Variants in ASAP1 observed in about 807,000 individuals in gnomAD.
The protein encoded by ASAP1 is arf-GAP with SH3 domain, ANK repeat and PH domain-containing protein 1.
Under a neutral mutation model 145.2 loss-of-function variants are expected in ASAP1, and 43 were observed. The ratio of observed to expected loss-of-function variants is 0.30; its 90% CI spans 0.23 to 0.38. The LOEUF (loss-of-function observed/expected upper bound fraction) is 0.38, where lower values mean the gene tolerates loss of function less well. Ranked by LOEUF, ASAP1 falls within the 10% of genes least tolerant of loss-of-function variation. The pLI is 1.00. For synonymous variants in ASAP1, 546 were observed against 515.5 expected, an observed-to-expected ratio of 1.06 and a Z score of -0.80; for missense variants, 1,018 against 1,355.3, an observed-to-expected ratio of 0.75 and a Z score of 3.91.
Position 130,093,666 on chromosome 8 carries a change from C to CAAAAAAAAAAAAA in ASAP1, c.2402-1536_2402-1524dup, listed in dbSNP as rs71572317. Among the ~76,000 whole-genome samples, 96 of 52,156 alleles carry CAAAAAAAAAAAAA rather than the reference C, an allele frequency of 1.8e-3. 1 individual carries two copies. The highest frequency in any genetic ancestry group is 3.1e-3 in the East Asian group (4 of 1,274). The allele number at this position is 52,156 out of a possible 152,430, so 34.2% of individuals were successfully genotyped here. On this transcript the variant is annotated intron_variant, in intron 24 of 29. Transcript: ENST00000518721. ...TGGCTGTCACAGCGAGACTCCGTCTCAAAAAAAAAAAAAAAAAAAAAAAGA... is the reference window on the plus strand; with the variant it reads ...TGGCTGTCACAGCGAGACTCCGTCTCAAAAAAAAAAAAAAAAAAAAAAAAAAAAAAAAAAAAGA...
intron 16 of ASAP1, among the ~76,000 whole-genome samples, chr8:130,127,142 G>C (rs961015282): frequency 1.3e-5 from 2 of 152,212 alleles, no homozygotes; most frequent in African/African-American, 4.8e-5. Context: ...ATGTGATACA[G>C]AGGTGAGGGA....
Position 130,076,415 on chromosome 8 carries a change from C to T in ASAP1, c.2643-9G>A, listed in dbSNP as rs1421115779. The T allele has an allele frequency of 1.2e-6, 2 of 1,600,974 alleles. No homozygotes were observed. The highest frequency in any genetic ancestry group is 2.2e-5 in the East Asian group (1 of 44,688). ...TCTTTGCAGAACTGGTGCTAATCAA[C>T]AAATAAGAATCATTTAGGATCTAAA... On this transcript the variant is annotated splice_polypyrimidine_tract_variant and intron_variant, in intron 26 of 29. Coordinates refer to ENST00000518721, the MANE Select transcript of ASAP1 (RefSeq NM_018482.4).
intron 2 of ASAP1, among the ~76,000 whole-genome samples, chr8:130,375,368 T>G (rs1586932446): frequency 2.1e-5 from 3 of 146,282 alleles, no homozygotes; most frequent in African/African-American, 2.5e-5. Context: ...TGGTTAGGGG[T>G]GGGGGAGCAG....
chr8:130,311,517 T>G (rs895082854), intron 3 of ASAP1, among the ~76,000 whole-genome samples: 1 of 152,130 alleles, frequency 6.6e-6, no homozygotes, highest in Non-Finnish European at 1.5e-5. Flanking sequence ...ATCCCAGCAC[T>G]TTGGGAGGCC....
At chr8:130,383,612 T>A (rs1006261432) in intron 2 of ASAP1, among the ~76,000 whole-genome samples, 3 of 152,134 alleles carry the variant, frequency 2.0e-5, no homozygotes, top group African/African-American at 7.2e-5. Context: ...GAAACGAGGG[T>A]CACAGGGATT....
intron 5 of ASAP1, among the ~76,000 whole-genome samples, chr8:130,198,443 T>C (rs1418609726): frequency 1.3e-5 from 2 of 152,172 alleles, no homozygotes; most frequent in African/African-American, 4.8e-5. Flanking sequence ...AAATTTCCTT[T>C]TTATTGCACC....
Position 130,137,680 on chromosome 8 carries a change from G to A in ASAP1, c.1081-642C>T, listed in dbSNP as rs141575556. Among the ~76,000 whole-genome samples the A allele has an allele frequency of 4.2e-4, 64 of 152,282 alleles. No homozygotes were observed. The East Asian group carries it at 0.011, about 26-fold the overall frequency. On this transcript the variant is annotated intron_variant, in intron 13 of 29. Coordinates refer to ENST00000518721, the MANE Select transcript of ASAP1 (RefSeq NM_018482.4). Reference sequence around the variant, plus strand: ...TACTACCTGTGAGGCAATGCTTAATGAACCCCAATATCTGGGGAGAGAGAA... The same window carrying A: ...TACTACCTGTGAGGCAATGCTTAATAAACCCCAATATCTGGGGAGAGAGAA...
At chr8:130,415,015 C>T (rs1829417689) in intron 1 of ASAP1, among the ~76,000 whole-genome samples, 1 of 152,244 alleles carries the variant, frequency 6.6e-6, no homozygotes, top group Non-Finnish European at 1.5e-5. Context: ...ACCTTGGCCT[C>T]CCAAAGTGCT....
chr8:130,389,671 T>C (rs191190981), intron 2 of ASAP1, among the ~76,000 whole-genome samples: 2 of 152,330 alleles, frequency 1.3e-5, no homozygotes, highest in East Asian at 1.9e-4. Context: ...CTCTCTGTTC[T>C]ATACACTGAG....
At chr8:130,110,415 T>C (rs1303037604) in intron 24 of ASAP1, among the ~76,000 whole-genome samples, 6 of 152,200 alleles carry the variant, frequency 3.9e-5, no homozygotes, top group Non-Finnish European at 8.8e-5. Context: ...TCTGGAGGCT[T>C]CTCACAGTCC....
intron 13 of ASAP1, among the ~76,000 whole-genome samples, chr8:130,145,421 G>A (rs928520997): frequency 1.3e-5 from 2 of 152,044 alleles, no homozygotes; most frequent in African/African-American, 2.4e-5. Flanking sequence ...GGGTTCAAGC[G>A]ATTCTCCTGC....
intron 3 of ASAP1, among the ~76,000 whole-genome samples, chr8:130,242,193 T>G (rs1427165431): frequency 7.3e-6 from 1 of 136,728 alleles, no homozygotes. Flanking sequence ...CAGTTGCCAG[T>G]GAAACACTTG....
rs538917116 is a variant in ASAP1 at position 130,436,145 on chromosome 8, G to A, written c.-28+7315C>T. Among the ~76,000 whole-genome samples, 97 of 152,198 alleles carry A rather than the reference G, an allele frequency of 6.4e-4. 1 individual carries two copies. Among genetic ancestry groups the A allele is most frequent in the Non-Finnish European group, 1.1e-3 (77 of 68,042 alleles). The stretch of plus-strand genomic sequence containing the variant: ...TAAAACACAAAACAGAAACCCTAAG[G>A]AAAGAAAAGGACCCAAGGATGGAAG... On this transcript the variant is annotated intron_variant, in intron 1 of 29. Coordinates refer to ENST00000518721, the MANE Select transcript of ASAP1 (RefSeq NM_018482.4).
chr8:130,361,697 T>C, intron 2 of ASAP1: 5 of 1,535,272 alleles, frequency 3.3e-6, no homozygotes, highest in Non-Finnish European at 4.4e-6. Flanking sequence ...CCTCTTTAAA[T>C]TTGAAACCAT....
chr8:130,368,731 G>A (rs1290437817), intron 2 of ASAP1, among the ~76,000 whole-genome samples: 2 of 152,216 alleles, frequency 1.3e-5, no homozygotes, highest in East Asian at 3.8e-4. Context: ...ACACATCAGA[G>A]AGCTGGCCTA....
intron 23 of ASAP1, among the ~76,000 whole-genome samples, chr8:130,114,638 C>T (rs954208518): frequency 2.0e-5 from 3 of 152,032 alleles, no homozygotes; most frequent in Non-Finnish European, 4.4e-5. Context: ...TTTTCAGCTC[C>T]GTTTTAATCT....
chr8:130,422,444 C>T (rs1167143059), intron 1 of ASAP1, among the ~76,000 whole-genome samples: 1 of 152,216 alleles, frequency 6.6e-6, no homozygotes, highest in African/African-American at 2.4e-5. Context: ...GGATCACCCA[C>T]GCTTCCTGGC....
At chr8:130,115,197 T>C (rs192691128) in intron 23 of ASAP1, among the ~76,000 whole-genome samples, 42 of 152,312 alleles carry the variant, frequency 2.8e-4, no homozygotes, top group Admixed American at 2.5e-3. Flanking sequence ...GGAACTACCC[T>C]TCATGATGTG....
chr8:130,300,153 C>CACACACAG (rs1196584279), intron 3 of ASAP1, among the ~76,000 whole-genome samples: 61 of 76,908 alleles, frequency 7.9e-4, no homozygotes, highest in Non-Finnish European at 1.2e-3. Context: ...CACACACACA[C>CACACACAG]AGAGAGAGAG....
Sources: allele counts gnomAD v4.1 joint callset (sites outside exome capture counted in the v4.1 genomes callset), GRCh38; gene constraint gnomAD v4.1.1; transcripts MANE v1.5; gene names NCBI Gene and HGNC (gene_info 2026-07-23, HGNC 2026-07-21).